PNPLA1: variants seen among roughly 807,000 people sequenced by gnomAD.
PNPLA1 encodes the protein patatin like domain 1, omega-hydroxyceramide transacylase, also known as omega-hydroxyceramide transacylase.
In PNPLA1, 36 loss-of-function variants were observed where a neutral mutation model predicts 51.7. The observed-to-expected ratio is 0.70, with a 90% CI of 0.53 to 0.92. PNPLA1 has a LOEUF of 0.92. Ranked by LOEUF, PNPLA1 falls within the 40% of genes least tolerant of loss-of-function variation. The pLI, the probability that PNPLA1 is intolerant of heterozygous loss-of-function variation, is 0.00. For missense variants in PNPLA1, 658 were observed against 682.5 expected, an observed-to-expected ratio of 0.96 and a Z score of 0.40; for synonymous variants, 293 against 280.1, an observed-to-expected ratio of 1.05 and a Z score of -0.46.
At position 36,295,299 on chromosome 6, in the gene PNPLA1, C is replaced by A. The variant is rs375596021; in HGVS notation, c.715-65C>A. 1.4e-5 allele frequency: 22 copies of A among 1,545,904 alleles called. No homozygotes were observed. In the African/African-American group the frequency reaches 2.6e-4, roughly 18 times the overall value. ...AGCAATGGGAGTAGCTGCCCTGGGT[C>A]GGGGGAACTGTGGCTCCCTTCCTCC... On this transcript the variant is annotated intron_variant, in intron 4 of 8. Transcript: ENST00000636260.
At position 36,278,930 on chromosome 6, in the gene PNPLA1, C is replaced by T. The variant is rs12526665; in HGVS notation, c.205+8266C>T. On this transcript the variant is annotated intron_variant, in intron 1 of 8. Coordinates refer to ENST00000636260, the MANE Select transcript of PNPLA1 (RefSeq NM_001374623.1). Reference sequence around the variant, plus strand: ...TAAGCATATAAAAAAGGTCAGCATGCGTGCTCAAAGGAGAAGATAAAGCAG... The same window carrying T: ...TAAGCATATAAAAAAGGTCAGCATGTGTGCTCAAAGGAGAAGATAAAGCAG... 3.5e-4 allele frequency among the ~76,000 whole-genome samples: 54 copies of T among 152,172 alleles called. 1 individual carries two copies. In the East Asian group the frequency reaches 7.9e-3, roughly 22 times the overall value.
chr6:36,262,259 C>G (rs1213673871), intron 1 of PNPLA1, among the ~76,000 whole-genome samples: 1 of 130,620 alleles, frequency 7.7e-6, no homozygotes, highest in Non-Finnish European at 1.6e-5. Flanking sequence ...TACCTCTGTC[C>G]CACAGACAAC....
intron 1 of PNPLA1, among the ~76,000 whole-genome samples, chr6:36,247,878 A>G (rs780279784): frequency 6.6e-6 from 1 of 152,220 alleles, no homozygotes; most frequent in Admixed American, 6.5e-5. Context: ...TCCCGAGCCA[A>G]CGTTTGGATG....
At chr6:36,276,508 G>A (rs796849108) in intron 1 of PNPLA1, among the ~76,000 whole-genome samples, 36 of 152,312 alleles carry the variant, frequency 2.4e-4, no homozygotes, top group African/African-American at 7.7e-4. Context: ...ATTCACCTAG[G>A]AGGGGTGGTC....
chr6:36,280,936 C>T (rs771395825), intron 1 of PNPLA1, among the ~76,000 whole-genome samples: 2 of 152,142 alleles, frequency 1.3e-5, no homozygotes, highest in Non-Finnish European at 2.9e-5. Context: ...ACTATAAGCA[C>T]GTGCCACCAT....
chr6:36,300,545 G>A (rs960027651), intron 5 of PNPLA1, among the ~76,000 whole-genome samples: 9 of 152,136 alleles, frequency 5.9e-5, no homozygotes, highest in Non-Finnish European at 1.2e-4. Context: ...TCCCTCAGTT[G>A]GGGTTTGTCT....
upstream of PNPLA1, among the ~76,000 whole-genome samples, chr6:36,269,557 A>T (rs895710169): frequency 1.3e-5 from 2 of 152,142 alleles, no homozygotes; most frequent in Admixed American, 6.5e-5. Context: ...AGCCTCACAC[A>T]CTTAGAATGA....
At chr6:36,243,604 A>G (rs1014032413) in intron 1 of PNPLA1, among the ~76,000 whole-genome samples, 1 of 152,154 alleles carries the variant, frequency 6.6e-6, no homozygotes, top group Non-Finnish European at 1.5e-5. Flanking sequence ...AGCCTGGGAT[A>G]AAGGGATGTG....
In PNPLA1 at chr6:36,294,134, C is replaced by T. The variant is rs550985114; in HGVS notation, c.505-56C>T. The T allele has an allele frequency of 8.0e-5, 128 of 1,595,162 alleles. No homozygotes were observed. Among genetic ancestry groups the T allele is most frequent in the African/African-American group, 1.5e-4 (11 of 74,644 alleles). On this transcript the variant is annotated intron_variant, in intron 3 of 8. Transcript: ENST00000636260. This position sits in a 1 kb window ranked among gnomAD's most constrained non-coding sequence, Gnocchi z 4.2. ...TCCCATGGGCCATTTCGATGTACCC[C>T]GAGTGGGGCTGAGAACTCTGGCCCC...
intron 1 of PNPLA1, among the ~76,000 whole-genome samples, chr6:36,285,872 C>G (rs1017212392): frequency 1.3e-5 from 2 of 152,160 alleles, no homozygotes; most frequent in Admixed American, 6.5e-5. Flanking sequence ...CCCAACTTGA[C>G]AGGAGAGGGA....
chr6:36,291,273 G>C, intron 1 of PNPLA1, 47 bp from the exon 2 acceptor site: 1 of 1,520,248 alleles, frequency 6.6e-7, no homozygotes, highest in Non-Finnish European at 9.0e-7. Context: ...TTGGCCCCTG[G>C]CCACTGGGTG....
chr6:36,291,579 G>GGGGA, intron 2 of PNPLA1, 27 bp downstream of exon 2: 20 of 103,654 alleles, frequency 1.9e-4, no homozygotes, highest in South Asian at 3.2e-4. Flanking sequence ...GGGAGGGAGG[G>GGGGA]ACACGGAGGG....
chr6:36,307,872 GC>G, intron 8 of PNPLA1, 160 bp downstream of exon 8: 1 of 892,362 alleles, frequency 1.1e-6, no homozygotes, highest in Non-Finnish European at 1.6e-6. Flanking sequence ...TTCCTGCTCT[GC>G]CACAGCTCCA....
At chr6:36,301,365 C>A (rs1410877765) in intron 5 of PNPLA1, among the ~76,000 whole-genome samples, 1 of 152,124 alleles carries the variant, frequency 6.6e-6, no homozygotes, top group Non-Finnish European at 1.5e-5. Context: ...CTGCCTACAG[C>A]CCTGACATGG....
At chr6:36,275,947 A>G (rs1462256436) in intron 1 of PNPLA1, among the ~76,000 whole-genome samples, 1 of 137,970 alleles carries the variant, frequency 7.2e-6, no homozygotes, top group Non-Finnish European at 1.6e-5. Context: ...TACCTATGGC[A>G]TTTTCTTTCT....
At chr6:36,291,719 G>A (rs1770690923) in intron 2 of PNPLA1, among the ~76,000 whole-genome samples, 167 bp downstream of exon 2, 1 of 152,184 alleles carries the variant, frequency 6.6e-6, no homozygotes, top group Non-Finnish European at 1.5e-5. Context: ...AGTGCTAGAT[G>A]AGATGGACAC....
intron 1 of PNPLA1, among the ~76,000 whole-genome samples, chr6:36,290,129 G>A (rs1222003787): frequency 6.6e-6 from 1 of 152,090 alleles, no homozygotes; most frequent in Non-Finnish European, 1.5e-5. Context: ...TACCTCCTGT[G>A]GCAAAAAACT....
Position 36,246,351 on chromosome 6 carries a change from C to T in PNPLA1, c.-81+3090C>T, listed in dbSNP as rs148984544. Reference sequence around the variant, plus strand: ...TCCCAAGTAGTTGGGATTACAGGTGCGCCCACCACCACACCCAGCTAAATT... The same window carrying T: ...TCCCAAGTAGTTGGGATTACAGGTGTGCCCACCACCACACCCAGCTAAATT... On this transcript the variant is annotated intron_variant, in intron 1 of 7. Coordinates refer to the PNPLA1 transcript ENST00000312917. 7.2e-4 allele frequency among the ~76,000 whole-genome samples: 109 copies of T among 152,082 alleles called. 1 individual carries two copies. The highest frequency in any genetic ancestry group is 2.3e-3 in the African/African-American group (97 of 41,466).
chr6:36,244,832 A>G (rs1769230386), intron 1 of PNPLA1, among the ~76,000 whole-genome samples: 1 of 152,254 alleles, frequency 6.6e-6, no homozygotes, highest in African/African-American at 2.4e-5. Flanking sequence ...AAAGCCAAGC[A>G]CTGACATTGG....
Sources: allele counts gnomAD v4.1 joint callset (sites outside exome capture counted in the v4.1 genomes callset), GRCh38; gene constraint gnomAD v4.1.1; non-coding constraint Gnocchi (gnomAD v3.1); transcripts MANE v1.5; gene names NCBI Gene and HGNC (gene_info 2026-07-23, HGNC 2026-07-21).